RASEF: variants seen among roughly 807,000 people sequenced by gnomAD.
The protein encoded by RASEF is ras and EF-hand domain-containing protein.
In RASEF, 68 loss-of-function variants were observed where a neutral mutation model predicts 90.1. That is an observed-to-expected ratio of 0.75 (90% CI 0.62 to 0.92). The LOEUF (loss-of-function observed/expected upper bound fraction) is 0.92. RASEF is among the 40% of genes least tolerant of loss of function. The probability of loss-of-function intolerance (pLI) is 0.00; values close to 1 mark genes in which losing one functional copy is unlikely to be tolerated. For synonymous variants in RASEF, 331 were observed against 345.2 expected (o/e 0.96, Z 0.46); for missense variants, 949 against 937.2 (o/e 1.01, Z -0.16).
chr9:83,090,319 A>T, the RASEF span, among the ~76,000 whole-genome samples: 1 of 152,048 alleles, frequency 6.6e-6, no homozygotes, highest in Non-Finnish European at 1.5e-5. Flanking sequence ...TAAAGTCTTT[A>T]TCCAATGAAC....
At chr9:83,104,625 T>C in the RASEF span, among the ~76,000 whole-genome samples, 6 of 151,452 alleles carry the variant, frequency 4.0e-5, no homozygotes, top group South Asian at 2.1e-4. Context: ...TTCCTTTTTC[T>C]TCCCATAAAA....
At chr9:83,105,161 A>G in the RASEF span, among the ~76,000 whole-genome samples, 1 of 152,158 alleles carries the variant, frequency 6.6e-6, no homozygotes, top group Admixed American at 6.5e-5. Flanking sequence ...TCAACAATTC[A>G]TGCTCTTTCC....
chr9:83,128,747 T>C, the RASEF span, among the ~76,000 whole-genome samples: 1 of 152,176 alleles, frequency 6.6e-6, no homozygotes, highest in Non-Finnish European at 1.5e-5. Context: ...ACAAGTGGGC[T>C]GGGGCACAAC....
At chr9:83,218,162 A>T in the RASEF span, among the ~76,000 whole-genome samples, 1 of 152,246 alleles carries the variant, frequency 6.6e-6, no homozygotes, top group Non-Finnish European at 1.5e-5. Flanking sequence ...AGGTAGCATG[A>T]ATAAACACTC....
intron 9 of RASEF, among the ~76,000 whole-genome samples, chr9:83,002,555 T>C (rs1490216646): frequency 6.6e-6 from 1 of 150,980 alleles, no homozygotes; most frequent in Non-Finnish European, 1.5e-5. Context: ...ACAATAACAA[T>C]GAAAATATAT....
At chr9:83,143,690 C>A in the RASEF span, among the ~76,000 whole-genome samples, 1 of 151,986 alleles carries the variant, frequency 6.6e-6, no homozygotes, top group African/African-American at 2.4e-5. Context: ...AAAAGGGAAC[C>A]CTTAGACACT....
At chr9:83,015,340 A>G (rs928378416) in intron 4 of RASEF, among the ~76,000 whole-genome samples, 1 of 152,208 alleles carries the variant, frequency 6.6e-6, no homozygotes, top group Non-Finnish European at 1.5e-5. Flanking sequence ...AATCTATGCA[A>G]AAGACAGGTG....
the RASEF span, among the ~76,000 whole-genome samples, chr9:83,207,263 C>T: frequency 4.6e-5 from 7 of 152,096 alleles, no homozygotes; most frequent in South Asian, 2.1e-4. Context: ...GCCTTCACAC[C>T]GGTTGTGAAA....
At chr9:83,198,120 C>A in the RASEF span, among the ~76,000 whole-genome samples, 2 of 152,100 alleles carry the variant, frequency 1.3e-5, no homozygotes, top group African/African-American at 4.8e-5. Flanking sequence ...AGTTAAGAGA[C>A]CGCAGCTCAT....
chr9:83,088,065 T>C, the RASEF span, among the ~76,000 whole-genome samples: 3 of 152,140 alleles, frequency 2.0e-5, no homozygotes, highest in African/African-American at 7.2e-5. Flanking sequence ...CTTATTTTAG[T>C]TTCTAATTTC....
chr9:83,071,826 T>C, the RASEF span, among the ~76,000 whole-genome samples: 1 of 152,204 alleles, frequency 6.6e-6, no homozygotes. Context: ...GTGGGTGTCT[T>C]ATTGCCTCAG....
At position 83,005,490 on chromosome 9, in the gene RASEF, G is replaced by A. The variant is rs201561205; in HGVS notation, c.1039C>T (p.Arg347Trp). 4.3e-5 allele frequency: 69 copies of A among 1,613,326 alleles called. No individual in the cohort carries two copies. The highest frequency in any genetic ancestry group is 1.6e-4 in the Middle Eastern group (1 of 6,082). ...CCATCATTACTGTCATGTAGCTTCC[G>A]GTTAGCTGTTCTGCAGGGTAAAGAA... Reference protein sequence around the residue: ...RQIEILQTANRKLHDSNDGLR... With the variant: ...RQIEILQTANWKLHDSNDGLR... Residue 347 changes from arginine to tryptophan, a missense_variant, in exon 8 of 17, where the codon CGG (arginine) becomes TGG (tryptophan). Coordinates refer to ENST00000376447, the MANE Select transcript of RASEF (RefSeq NM_152573.4).
At chr9:83,185,293 C>T in the RASEF span, among the ~76,000 whole-genome samples, 1 of 151,802 alleles carries the variant, frequency 6.6e-6, no homozygotes, top group East Asian at 1.9e-4. Flanking sequence ...ATCCTTTATA[C>T]ATGTCAGAGG....
At chr9:83,135,779 G>T in the RASEF span, among the ~76,000 whole-genome samples, 22 of 152,084 alleles carry the variant, frequency 1.4e-4, no homozygotes, top group African/African-American at 5.3e-4. Context: ...CCTGCTTTGT[G>T]CTTCACAAGT....
chr9:82,982,805 C>CAGAG (rs60689330), intron 16 of RASEF, 23 bp from the exon 17 acceptor site: 10,831 of 916,292 alleles, frequency 0.012, 56 homozygotes, highest in African/African-American at 0.04. Context: ...TAGAGAGAGA[C>CAGAG]AGAGAGAGAG....
rs1410625599 is a variant in RASEF at position 82,981,070 on chromosome 9, T to C, written c.*1607A>G. 3 of 152,252 alleles carry C rather than the reference T, an allele frequency of 2.0e-5. No homozygotes were observed. Among genetic ancestry groups the C allele is most frequent in the Non-Finnish European group, 2.9e-5 (2 of 68,044 alleles). 9.4% of individuals were successfully genotyped at this position (152,252 alleles called of 1,614,324 possible). A position where few individuals can be genotyped will look rare whatever the true frequency, so the allele number is the denominator to read the frequency against. ...ACAAACACCGTGAACAGAAAAAAGA[T>C]TGCTACATGGAATTGTTTCGATTCA... On this transcript the variant is annotated 3_prime_UTR_variant, in exon 17 of 17. Coordinates refer to ENST00000376447, the MANE Select transcript of RASEF (RefSeq NM_152573.4).
At chr9:83,155,823 C>T in the RASEF span, among the ~76,000 whole-genome samples, 1 of 152,288 alleles carries the variant, frequency 6.6e-6, no homozygotes, top group Non-Finnish European at 1.5e-5. Context: ...AACAGTCATA[C>T]AAGACAGAGC....
the RASEF span, among the ~76,000 whole-genome samples, chr9:83,200,328 G>A: frequency 2.0e-5 from 3 of 152,072 alleles, no homozygotes; most frequent in East Asian, 1.9e-4. Context: ...CCCAGGGGGC[G>A]GAGGGTGCAG....
At chr9:83,002,352 T>C (rs1472864889) in intron 9 of RASEF, among the ~76,000 whole-genome samples, 1 of 152,116 alleles carries the variant, frequency 6.6e-6, no homozygotes, top group Non-Finnish European at 1.5e-5. Context: ...ACTAACTTTC[T>C]CTCTCTCAAT....
Sources: allele counts gnomAD v4.1 joint callset (sites outside exome capture counted in the v4.1 genomes callset), GRCh38; gene constraint gnomAD v4.1.1; transcripts MANE v1.5; gene names NCBI Gene and HGNC (gene_info 2026-07-23, HGNC 2026-07-21).